The following DOCK3 variants were observed in gnomAD, a reference collection of about 807,000 sequenced individuals.
DOCK3 encodes the protein dedicator of cytokinesis 3.
Under a neutral mutation model 265.6 loss-of-function variants are expected in DOCK3, and 60 were observed. The ratio of observed to expected loss-of-function variants is 0.23; its 90% CI spans 0.18 to 0.28. DOCK3 has a LOEUF of 0.28. DOCK3 is among the 10% of genes least tolerant of loss of function. DOCK3 has a pLI of 1.00. For synonymous variants in DOCK3, 881 were observed against 938.0 expected, an observed-to-expected ratio of 0.94 and a Z score of 1.11; for missense variants, 1,981 against 2,594.3, an observed-to-expected ratio of 0.76 and a Z score of 5.14.
intron 29 of DOCK3, 59 bp from the exon 30 acceptor site, chr3:51,312,417 C>T (rs1043262912): frequency 5.4e-5 from 77 of 1,419,286 alleles, no homozygotes; most frequent in Middle Eastern, 1.8e-4. Flanking sequence ...TATTTAGTAA[C>T]GCTCCCTACA....
intron 5 of DOCK3, among the ~76,000 whole-genome samples, chr3:51,013,120 T>G (rs1440705992): frequency 1.3e-5 from 2 of 152,148 alleles, no homozygotes; most frequent in African/African-American, 2.4e-5. Flanking sequence ...GAGAAGTTTG[T>G]TATTACCGAC....
intron 4 of DOCK3, chr3:50,898,555 T>G (rs1230024977): frequency 2.6e-5 from 4 of 152,888 alleles, no homozygotes; most frequent in Non-Finnish European, 5.8e-5. Flanking sequence ...TCTGCAGTTC[T>G]TTTAATTTTG....
chr3:50,838,280 A>G (rs746672737), intron 2 of DOCK3, among the ~76,000 whole-genome samples: 5 of 152,220 alleles, frequency 3.3e-5, no homozygotes, highest in Non-Finnish European at 7.3e-5. Context: ...AGCATTTTAT[A>G]GAATTCAGTT....
chr3:50,883,313 C>T (rs1043914669), intron 3 of DOCK3, among the ~76,000 whole-genome samples: 2 of 151,782 alleles, frequency 1.3e-5, no homozygotes, highest in Non-Finnish European at 2.9e-5. Flanking sequence ...CAAATAATCA[C>T]GCACAAGGAG....
At chr3:51,139,050 A>G (rs1195632377) in intron 9 of DOCK3, among the ~76,000 whole-genome samples, 1 of 152,170 alleles carries the variant, frequency 6.6e-6, no homozygotes, top group Non-Finnish European at 1.5e-5. Flanking sequence ...TTTAGGGACC[A>G]AGACTAATGG....
chr3:51,109,917 A>G (rs959174022), intron 9 of DOCK3, among the ~76,000 whole-genome samples: 4 of 151,994 alleles, frequency 2.6e-5, no homozygotes, highest in African/African-American at 9.7e-5. Flanking sequence ...TGGGTAACAG[A>G]GTGAACTCTG....
chr3:51,043,796 A>G (rs2080641125), intron 5 of DOCK3, among the ~76,000 whole-genome samples: 2 of 152,192 alleles, frequency 1.3e-5, no homozygotes, highest in Admixed American at 1.3e-4. Context: ...AAAAGAAGAT[A>G]TACATGCGGC....
intron 3 of DOCK3, among the ~76,000 whole-genome samples, chr3:50,868,537 C>T (rs953302507): frequency 6.6e-6 from 1 of 152,046 alleles, no homozygotes; most frequent in African/African-American, 2.4e-5. Context: ...TCACACCCGG[C>T]TAATTTTTGT....
chr3:51,348,902 G>T lies in DOCK3; in HGVS notation c.3966G>T (p.Glu1322Asp). The T allele has an allele frequency of 6.3e-7, 1 of 1,583,458 alleles. No homozygotes were observed. ...PLCRELACQY[E>D]SLYDYQSLSW... ...GCAGGGAGCTGGCGTGTCAGTACGA[G>T]AGCCTCTATGATTACCAGAGCCTCA... Residue 1322 changes from glutamate (E) to aspartate (D), a missense_variant, in exon 39 of 53, where the codon GAG becomes GAT. Glu to Asp is a conservative substitution (Grantham distance 45). Around this residue, in one of 4 missense-constraint regions of DOCK3, gnomAD observed 1,357 missense variants for 1,866.8 expected, o/e 0.73. Transcript: ENST00000266037.
At chr3:51,294,446 A>G (rs991859841) in intron 27 of DOCK3, among the ~76,000 whole-genome samples, 3 of 152,192 alleles carry the variant, frequency 2.0e-5, no homozygotes, top group East Asian at 1.9e-4. Context: ...TGGGAGGCCA[A>G]GGCAGGCGGA....
intron 9 of DOCK3, among the ~76,000 whole-genome samples, chr3:51,124,629 C>T (rs2084183543): frequency 6.6e-6 from 1 of 152,042 alleles, no homozygotes; most frequent in African/African-American, 2.4e-5. Context: ...CATTTGTGCA[C>T]ATTTATAAAT....
intron 51 of DOCK3, among the ~76,000 whole-genome samples, chr3:51,376,702 A>G (rs2088167711): frequency 6.6e-6 from 1 of 152,282 alleles, no homozygotes; most frequent in South Asian, 2.1e-4. Context: ...CCATCAGAAC[A>G]TGTCCCTCCA....
At chr3:50,871,762 C>A (rs2047443338) in intron 3 of DOCK3, among the ~76,000 whole-genome samples, 1 of 152,184 alleles carries the variant, frequency 6.6e-6, no homozygotes, top group Admixed American at 6.5e-5. Flanking sequence ...TTAAAGCTCA[C>A]TAATTCTTTC....
intron 12 of DOCK3, among the ~76,000 whole-genome samples, chr3:51,196,922 T>A (rs1305291374): frequency 6.6e-6 from 1 of 152,232 alleles, no homozygotes; most frequent in African/African-American, 2.4e-5. Context: ...GTGTCATATT[T>A]CCTTGCTTTT....
chr3:51,198,838 G>A (rs1479891301), intron 12 of DOCK3, among the ~76,000 whole-genome samples: 2 of 152,132 alleles, frequency 1.3e-5, no homozygotes, highest in Admixed American at 6.5e-5. Flanking sequence ...AGACCAGCCT[G>A]GACAACATGG....
At position 50,910,904 on chromosome 3, in the gene DOCK3, C is replaced by G. The variant is rs185454108; in HGVS notation, c.218+20823C>G. Among the ~76,000 whole-genome samples the G allele has an allele frequency of 4.6e-3, 701 of 152,186 alleles. 11 individuals carry two copies. The highest frequency in any genetic ancestry group is 0.016 in the African/African-American group (665 of 41,480). On this transcript the variant is annotated intron_variant, in intron 4 of 52. Coordinates refer to ENST00000266037, the MANE Select transcript of DOCK3 (RefSeq NM_004947.5). ...TTTTTAGTTCTTAAGAAGGTGCTTT[C>G]TTGCATGGATGGTTGTTCAATTTGG... is the stretch of plus-strand genomic sequence containing the variant.
At chr3:51,354,177 C>T (rs2086197484) in intron 40 of DOCK3, among the ~76,000 whole-genome samples, 1 of 151,742 alleles carries the variant, frequency 6.6e-6, no homozygotes, top group Non-Finnish European at 1.5e-5. Flanking sequence ...CTGTTTCTCC[C>T]AACTAATAAA....
At chr3:51,170,966 T>C (rs1042011507) in intron 12 of DOCK3, among the ~76,000 whole-genome samples, 1 of 151,810 alleles carries the variant, frequency 6.6e-6, no homozygotes, top group African/African-American at 2.4e-5. Context: ...AAAAAAGATT[T>C]GTCAATTTAA....
chr3:50,923,196 T>G (rs1254195688), intron 4 of DOCK3, among the ~76,000 whole-genome samples: 1 of 152,214 alleles, frequency 6.6e-6, no homozygotes, highest in Non-Finnish European at 1.5e-5. Flanking sequence ...GGTTCCACAT[T>G]TTTGCAATTG....
Sources: gnomAD v4.1 joint callset for allele counts (sites outside exome capture counted in the v4.1 genomes callset) on GRCh38, gnomAD v4.1.1 for gene constraint, gnomAD v4.1.1 regional missense constraint, MANE v1.5 for transcripts, NCBI Gene and HGNC (gene_info 2026-07-23, HGNC 2026-07-21) for gene names.